PIK3C2G: variants seen among roughly 807,000 people sequenced by gnomAD.
The protein encoded by PIK3C2G is phosphatidylinositol-4-phosphate 3-kinase catalytic subunit type 2 gamma, also known as phosphatidylinositol 3-kinase C2 domain-containing subunit gamma.
A neutral mutation model predicts 181.1 loss-of-function variants in PIK3C2G; 168 were observed. That is an observed-to-expected ratio of 0.93 (90% confidence interval 0.82 to 1.05). The LOEUF is 1.05. PIK3C2G is among the 50% of genes least tolerant of loss of function. The probability of loss-of-function intolerance (pLI) is 0.00; values close to 1 mark genes in which losing one functional copy is unlikely to be tolerated. For missense variants in PIK3C2G, 1,869 were observed against 1,732.8 expected, an observed-to-expected ratio of 1.08 and a Z score of -1.40; for synonymous variants, 573 against 592.2, an observed-to-expected ratio of 0.97 and a Z score of 0.47.
At chr12:18,291,154 G>C in intron 4 of PIK3C2G, 142 bp downstream of exon 4, 1 of 552,286 alleles carries the variant, frequency 1.8e-6, no homozygotes, top group Non-Finnish European at 3.1e-6. Context: ...AAACATCAGG[G>C]ATCCATTTGT....
chr12:18,243,379 G>T (rs1371529557), upstream of PIK3C2G, among the ~76,000 whole-genome samples: 1 of 151,920 alleles, frequency 6.6e-6, no homozygotes, highest in African/African-American at 2.4e-5. Context: ...AATTGTTGGT[G>T]ATCTTGGTTG....
At chr12:18,419,093 A>G (rs1304304330) in intron 16 of PIK3C2G, among the ~76,000 whole-genome samples, 1 of 152,184 alleles carries the variant, frequency 6.6e-6, no homozygotes, top group Non-Finnish European at 1.5e-5. Flanking sequence ...GTCTTCTAAG[A>G]AATATGTAGA....
the PIK3C2G span, among the ~76,000 whole-genome samples, chr12:18,692,224 C>G: frequency 6.6e-6 from 1 of 152,086 alleles, no homozygotes; most frequent in Non-Finnish European, 1.5e-5. Context: ...CAGGTAGGAT[C>G]TGAGATGGTT....
intron 29 of PIK3C2G, among the ~76,000 whole-genome samples, chr12:18,588,959 G>C (rs1002159303): frequency 6.6e-6 from 1 of 152,056 alleles, no homozygotes; most frequent in African/African-American, 2.4e-5. Context: ...GATGGAGCTG[G>C]AGGCCACTAT....
At chr12:18,262,042 GA>G (rs1394894160) in intron 1 of PIK3C2G, among the ~76,000 whole-genome samples, 1 of 152,082 alleles carries the variant, frequency 6.6e-6, no homozygotes, top group Non-Finnish European at 1.5e-5. Flanking sequence ...TTGTTAAATG[GA>G]AGGTGGAATT....
chr12:18,499,962 C>A (rs952243139), intron 22 of PIK3C2G, among the ~76,000 whole-genome samples: 2 of 152,256 alleles, frequency 1.3e-5, no homozygotes, highest in Non-Finnish European at 2.9e-5. Context: ...CTATAAATAC[C>A]TGTGAGAGGT....
chr12:18,651,798 G>T (rs1324540183), downstream of PIK3C2G, among the ~76,000 whole-genome samples: 6 of 152,152 alleles, frequency 3.9e-5, no homozygotes, highest in African/African-American at 1.2e-4. Flanking sequence ...AATGTCGCTG[G>T]AATGTGCCAG....
intron 24 of PIK3C2G, among the ~76,000 whole-genome samples, chr12:18,511,619 T>C (rs1016764666): frequency 6.6e-6 from 1 of 152,114 alleles, no homozygotes; most frequent in African/African-American, 2.4e-5. Flanking sequence ...ATGTCTTCTT[T>C]TGAGAAATGT....
At chr12:18,275,184 G>T (rs1835614086) in intron 1 of PIK3C2G, among the ~76,000 whole-genome samples, 1 of 151,994 alleles carries the variant, frequency 6.6e-6, no homozygotes, top group African/African-American at 2.4e-5. Flanking sequence ...CACATTATTT[G>T]CTTCTGTCAC....
intron 29 of PIK3C2G, among the ~76,000 whole-genome samples, chr12:18,571,972 G>A (rs949831800): frequency 1.3e-5 from 2 of 148,648 alleles, no homozygotes; most frequent in South Asian, 4.2e-4. Flanking sequence ...TTTCCATTTT[G>A]TCCTATGTAA....
intron 1 of PIK3C2G, among the ~76,000 whole-genome samples, chr12:18,276,192 C>T (rs1948979384): frequency 6.6e-6 from 1 of 152,166 alleles, no homozygotes; most frequent in East Asian, 1.9e-4. Flanking sequence ...CTCATGCAGC[C>T]CCCAGCAAGT....
chr12:18,711,464 A>G, the PIK3C2G span, among the ~76,000 whole-genome samples: 1 of 150,656 alleles, frequency 6.6e-6, no homozygotes, highest in Non-Finnish European at 1.5e-5. Flanking sequence ...CAGCACACCA[A>G]CATGGCACAT....
intron 11 of PIK3C2G, among the ~76,000 whole-genome samples, chr12:18,356,359 G>T (rs1418538276): frequency 6.6e-6 from 1 of 152,118 alleles, no homozygotes; most frequent in Non-Finnish European, 1.5e-5. Flanking sequence ...CACAGGAGGG[G>T]GAACACGCCG....
intron 23 of PIK3C2G, 100 bp downstream of exon 23, chr12:18,503,517 T>C (rs1941638905): frequency 2.5e-6 from 2 of 791,658 alleles, no homozygotes; most frequent in Non-Finnish European, 3.7e-6. Flanking sequence ...TTAAGTGCAC[T>C]TTGAGTTCTA....
At chr12:18,533,495 A>G (rs1297285540) in intron 24 of PIK3C2G, among the ~76,000 whole-genome samples, 2 of 152,026 alleles carry the variant, frequency 1.3e-5, no homozygotes, top group East Asian at 1.9e-4. Flanking sequence ...CTAAGCTACT[A>G]TCATATCTGG....
intron 31 of PIK3C2G, among the ~76,000 whole-genome samples, chr12:18,637,695 A>T (rs912259328): frequency 2.6e-5 from 4 of 152,224 alleles, no homozygotes; most frequent in African/African-American, 7.2e-5. Flanking sequence ...GAGAAGAGTG[A>T]TCACAGAGCT....
chr12:18,533,413 T>G (rs1943662089), intron 24 of PIK3C2G, among the ~76,000 whole-genome samples: 1 of 152,064 alleles, frequency 6.6e-6, no homozygotes, highest in Admixed American at 6.6e-5. Flanking sequence ...GAAATCCTAT[T>G]GATTTTTTTT....
At chr12:18,469,066 C>T (rs950186599) in intron 18 of PIK3C2G, among the ~76,000 whole-genome samples, 46 of 152,234 alleles carry the variant, frequency 3.0e-4, no homozygotes, top group African/African-American at 1.1e-3. Flanking sequence ...AATTATTACA[C>T]ACATTCCTTG....
chr12:18,620,300 T>C (rs1478444039), intron 31 of PIK3C2G, among the ~76,000 whole-genome samples: 1 of 152,176 alleles, frequency 6.6e-6, no homozygotes, highest in African/African-American at 2.4e-5. Flanking sequence ...TTGTGTCCTC[T>C]TGATTAATTA....
Sources: allele counts gnomAD v4.1 joint callset (sites outside exome capture counted in the v4.1 genomes callset), GRCh38; gene constraint gnomAD v4.1.1; transcripts MANE v1.5; gene names NCBI Gene and HGNC (gene_info 2026-07-23, HGNC 2026-07-21).